The following CSMD2 variants were observed in gnomAD, a reference collection of about 807,000 sequenced individuals.
The protein encoded by CSMD2 is CUB and sushi domain-containing protein 2.
Under a neutral mutation model 398.5 loss-of-function variants are expected in CSMD2, and 130 were observed. That is an observed-to-expected ratio of 0.33 (90% CI 0.28 to 0.38). The LOEUF (loss-of-function observed/expected upper bound fraction) is 0.38. Among genes scored for constraint, CSMD2 ranks in the 10% least tolerant of loss-of-function variants. The pLI is 1.00. For missense variants in CSMD2, 3,829 were observed against 4,764.9 expected (o/e 0.80, Z 5.78); for synonymous variants, 1,828 against 1,908.5 (o/e 0.96, Z 1.10).
chr1:33,883,710 T>TC (rs1259960184), intron 5 of CSMD2, among the ~76,000 whole-genome samples: 3 of 152,162 alleles, frequency 2.0e-5, no homozygotes, highest in African/African-American at 7.2e-5. Flanking sequence ...GAGTCTACAG[T>TC]CAAAGACCCA....
In CSMD2 at chr1:33,772,560, C is replaced by A. The variant is rs373945527; in HGVS notation, c.1846+9G>T. ...AGACCCTGGCGTGGCCTCCTCCCTGCTCACTTACACACGCAGCCTGGCTTC... is the reference window on the plus strand; with the variant it reads ...AGACCCTGGCGTGGCCTCCTCCCTGATCACTTACACACGCAGCCTGGCTTC... On this transcript the variant is annotated intron_variant, in intron 13 of 70. Coordinates refer to ENST00000373381, the MANE Select transcript of CSMD2 (RefSeq NM_001281956.2). 27 of 1,608,854 alleles carry A rather than the reference C, an allele frequency of 1.7e-5. No homozygotes were observed. Among genetic ancestry groups the A allele is most frequent in the Non-Finnish European group, 2.3e-5 (27 of 1,176,272 alleles).
At chr1:33,801,548 G>A (rs1029620704) in intron 10 of CSMD2, among the ~76,000 whole-genome samples, 2 of 152,202 alleles carry the variant, frequency 1.3e-5, no homozygotes, top group African/African-American at 2.4e-5. Flanking sequence ...TCGCTGAGCT[G>A]CTTCTCTATG....
intron 13 of CSMD2, 102 bp downstream of exon 13, chr1:33,772,467 C>T: frequency 2.0e-6 from 2 of 1,009,984 alleles, no homozygotes; most frequent in Non-Finnish European, 3.0e-6. Flanking sequence ...GCTGTTGTTA[C>T]AACCTGCAAG....
Position 33,981,236 on chromosome 1 carries a change from C to A in CSMD2, c.518-45282G>T, listed in dbSNP as rs74068672. ...TGCAGTTCAACATTCCAGCTATTTG[C>A]ACTCACTTCCCACTTATTTGCAGGC... On this transcript the variant is annotated intron_variant, in intron 3 of 70. Coordinates refer to ENST00000373381, the MANE Select transcript of CSMD2 (RefSeq NM_001281956.2). 1.3e-3 allele frequency among the ~76,000 whole-genome samples: 201 copies of A among 152,304 alleles called. 2 individuals carry two copies. The highest frequency in any genetic ancestry group is 4.5e-3 in the African/African-American group (188 of 41,554).
At chr1:34,128,839 G>C (rs899780464) in intron 1 of CSMD2, among the ~76,000 whole-genome samples, 1 of 152,140 alleles carries the variant, frequency 6.6e-6, no homozygotes, top group African/African-American at 2.4e-5. Flanking sequence ...GGAGGTTCAA[G>C]GTCAAAGCCT....
intron 32 of CSMD2, among the ~76,000 whole-genome samples, chr1:33,628,216 C>T (rs897759156): frequency 3.3e-5 from 5 of 151,418 alleles, no homozygotes; most frequent in East Asian, 1.9e-4. Context: ...ACAGTGAAGT[C>T]GAGATGAAAT....
intron 25 of CSMD2, among the ~76,000 whole-genome samples, chr1:33,679,296 G>T (rs1644826183): frequency 6.6e-6 from 1 of 151,650 alleles, no homozygotes; most frequent in South Asian, 2.1e-4. Flanking sequence ...CCGCCCCCTG[G>T]GTTCAAGCGA....
intron 51 of CSMD2, among the ~76,000 whole-genome samples, chr1:33,570,190 C>A (rs139303246): frequency 2.8e-5 from 3 of 105,524 alleles, no homozygotes; most frequent in East Asian, 3.5e-4. Flanking sequence ...TTTTTTGAGA[C>A]GGAGTCTTGC....
At chr1:33,614,770 A>G (rs1641277925) in intron 39 of CSMD2, 150 bp from the exon 40 acceptor site, 1 of 581,168 alleles carries the variant, frequency 1.7e-6, no homozygotes, top group Non-Finnish European at 3.1e-6. Flanking sequence ...TTCTTAAAAG[A>G]CTAAGCCCAC....
chr1:34,105,711 C>T (rs1031327390), intron 1 of CSMD2, among the ~76,000 whole-genome samples: 5 of 152,184 alleles, frequency 3.3e-5, no homozygotes, highest in African/African-American at 1.2e-4. Context: ...CGATCATACA[C>T]TAATAAGTGC....
chr1:33,771,905 T>C (rs1297492848), intron 13 of CSMD2, among the ~76,000 whole-genome samples: 2 of 152,156 alleles, frequency 1.3e-5, no homozygotes, highest in African/African-American at 4.8e-5. Context: ...CAGCCCCTCA[T>C]CCTTGCCAAT....
intron 5 of CSMD2, among the ~76,000 whole-genome samples, chr1:33,905,743 G>C (rs1384493828): frequency 6.6e-6 from 1 of 152,182 alleles, no homozygotes; most frequent in African/African-American, 2.4e-5. Context: ...ACATATAGTA[G>C]GGAAATTTTG....
chr1:33,571,124 A>G (rs1659555853), intron 51 of CSMD2, among the ~76,000 whole-genome samples: 1 of 152,066 alleles, frequency 6.6e-6, no homozygotes. Flanking sequence ...ATACACTCCC[A>G]TTTCAGGTCT....
intron 53 of CSMD2, among the ~76,000 whole-genome samples, chr1:33,562,160 T>C (rs1658622054): frequency 6.6e-6 from 1 of 152,036 alleles, no homozygotes; most frequent in African/African-American, 2.4e-5. Context: ...AAGATGAAAA[T>C]GTGTTCATCG....
chr1:33,655,802 T>C (rs1349817037), intron 27 of CSMD2, among the ~76,000 whole-genome samples: 1 of 152,166 alleles, frequency 6.6e-6, no homozygotes, highest in Non-Finnish European at 1.5e-5. Context: ...GGCAAAGGCA[T>C]TTATTCTGTT....
intron 10 of CSMD2, among the ~76,000 whole-genome samples, chr1:33,806,116 C>T (rs570549159): frequency 9.9e-5 from 15 of 152,124 alleles, no homozygotes; most frequent in Admixed American, 6.5e-4. Context: ...GACTGTAATA[C>T]GATACTTCTG....
At chr1:33,917,336 G>C (rs1271164839) in intron 5 of CSMD2, among the ~76,000 whole-genome samples, 1 of 152,182 alleles carries the variant, frequency 6.6e-6, no homozygotes, top group Non-Finnish European at 1.5e-5. Flanking sequence ...AAGTCCTCCT[G>C]ATAACACAGC....
chr1:33,892,924 A>G (rs1356946670), intron 5 of CSMD2, among the ~76,000 whole-genome samples: 1 of 152,254 alleles, frequency 6.6e-6, no homozygotes, highest in Non-Finnish European at 1.5e-5. Context: ...ACTTGAGTGC[A>G]TTCGTAGGAG....
intron 12 of CSMD2, among the ~76,000 whole-genome samples, chr1:33,783,466 T>G (rs1557886461): frequency 7.4e-6 from 1 of 135,446 alleles, no homozygotes; most frequent in African/African-American, 2.8e-5. Context: ...TCTCTCTCTC[T>G]CTCTCTCTCC....
Sources: allele counts gnomAD v4.1 joint callset (sites outside exome capture counted in the v4.1 genomes callset), GRCh38; gene constraint gnomAD v4.1.1; transcripts MANE v1.5; gene names NCBI Gene and HGNC (gene_info 2026-07-23, HGNC 2026-07-21).